PAQR3: variants seen among roughly 807,000 people sequenced by gnomAD.
PAQR3 encodes Raf kinase trapping to Golgi.
A neutral mutation model predicts 41.7 loss-of-function variants in PAQR3; 39 were observed. That is an observed-to-expected ratio of 0.93 (90% CI 0.72 to 1.22). The LOEUF (loss-of-function observed/expected upper bound fraction) is 1.22, where lower values mean the gene tolerates loss of function less well. Ranked by LOEUF, PAQR3 falls within the 50% of genes most tolerant of loss-of-function variation. The probability of loss-of-function intolerance (pLI) is 0.00; values close to 1 mark genes in which losing one functional copy is unlikely to be tolerated. For synonymous variants in PAQR3, 140 were observed against 140.6 expected (o/e 1.00, Z 0.03); for missense variants, 366 against 385.6 (o/e 0.95, Z 0.42).
In PAQR3 at chr4:78,922,254, G is replaced by C. The variant is rs1578011434; in HGVS notation, c.794-1573C>G. On this transcript the variant is annotated intron_variant, in intron 5 of 5. Transcript: ENST00000512733. ...ATGTTTACAACGCAGGTTTTCCCTTGTATTTCCATTCTTATTTAAAGCTCA... is the reference window on the plus strand; with the variant it reads ...ATGTTTACAACGCAGGTTTTCCCTTCTATTTCCATTCTTATTTAAAGCTCA... The C allele has an allele frequency of 4.1e-6, 5 of 1,232,206 alleles. No individual in the cohort carries two copies. In the East Asian group the frequency reaches 1.7e-4, roughly 42 times the overall value. 76.3% of individuals were successfully genotyped at this position (1,232,206 alleles called of 1,614,324 possible).
chr4:78,938,396 G>C (rs756562524), intron 1 of PAQR3, among the ~76,000 whole-genome samples: 14 of 152,134 alleles, frequency 9.2e-5, no homozygotes, highest in Non-Finnish European at 2.1e-4. Flanking sequence ...CTTCTGTGGT[G>C]CTCTAGTGGA....
downstream of PAQR3, among the ~76,000 whole-genome samples, chr4:78,909,877 G>T (rs1342923138): frequency 2.0e-5 from 3 of 152,122 alleles, no homozygotes; most frequent in Non-Finnish European, 4.4e-5. Context: ...TATTTCTTTC[G>T]TTGAATGAAC....
At chr4:78,931,486 C>A (rs1477567680) in intron 2 of PAQR3, among the ~76,000 whole-genome samples, 1 of 152,190 alleles carries the variant, frequency 6.6e-6, no homozygotes, top group Non-Finnish European at 1.5e-5. Flanking sequence ...CTGATTCAAT[C>A]AGCTGTTCTG....
At chr4:78,889,478 A>G (rs1733307132) in intron 11 of PAQR3, among the ~76,000 whole-genome samples, 1 of 152,170 alleles carries the variant, frequency 6.6e-6, no homozygotes. Flanking sequence ...ATATATTGCT[A>G]CTTATTATAA....
intron 11 of PAQR3, among the ~76,000 whole-genome samples, chr4:78,889,146 G>A (rs1477401187): frequency 2.6e-5 from 4 of 151,280 alleles, no homozygotes; most frequent in East Asian, 2.0e-4. Context: ...GCGTGAACCC[G>A]GGAGGCGGAG....
At chr4:78,921,382 C>T (rs1247689415) in intron 5 of PAQR3, among the ~76,000 whole-genome samples, 1 of 151,870 alleles carries the variant, frequency 6.6e-6, no homozygotes. Flanking sequence ...AAATAACATA[C>T]TCATGGTGCT....
chr4:78,930,136 A>C, intron 3 of PAQR3, 34 bp downstream of exon 3: 1 of 1,571,220 alleles, frequency 6.4e-7, no homozygotes, highest in Non-Finnish European at 8.6e-7. Context: ...GACCAATATG[A>C]AAGGTCGAAT....
At chr4:78,887,171 C>T (rs1477953100) in exon 13 of PAQR3, 9 of 1,568,226 alleles carry the variant, frequency 5.7e-6, no homozygotes, top group Non-Finnish European at 7.8e-6. Context: ...CTTATTTTTG[C>T]AGATAGGCTC....
chr4:78,896,282 A>G (rs1459470317), intron 11 of PAQR3, among the ~76,000 whole-genome samples: 1 of 152,216 alleles, frequency 6.6e-6, no homozygotes. Context: ...TGCCTATACT[A>G]TGATAAAATA....
Position 78,939,028 on chromosome 4 carries a change from G to A in PAQR3, c.185+12C>T. On this transcript the variant is annotated intron_variant, in intron 1 of 5. Coordinates refer to ENST00000512733, the MANE Select transcript of PAQR3 (RefSeq NM_001040202.2). ...GAAGGGGGCACTCCAGGCGGAGGCAGCCAGACCGTACCTTTTGATACACAG... is the reference window on the plus strand; with the variant it reads ...GAAGGGGGCACTCCAGGCGGAGGCAACCAGACCGTACCTTTTGATACACAG... 6.3e-7 allele frequency: 1 copy of A among 1,586,148 alleles called. No individual in the cohort carries two copies.
chr4:78,911,021 G>T (rs146906878), downstream of PAQR3: 370 of 1,613,694 alleles, frequency 2.3e-4, no homozygotes, highest in African/African-American at 4.3e-3. Context: ...GACAGATCTG[G>T]CAGTGGACCA....
chr4:78,911,352 T>C (rs769821644), downstream of PAQR3: 2 of 1,613,928 alleles, frequency 1.2e-6, no homozygotes. Flanking sequence ...TTGGCTCCAC[T>C]CCATTTCAGC....
Position 78,919,891 on chromosome 4 carries a change from A to T in PAQR3, c.*648T>A. Reference sequence around the variant, plus strand: ...GATTCTTATCTGATAGAAAATGAGAAGTTCTTTTCCTCTTCTCAACCCTTC... The same window carrying T: ...GATTCTTATCTGATAGAAAATGAGATGTTCTTTTCCTCTTCTCAACCCTTC... On this transcript the variant is annotated 3_prime_UTR_variant, in exon 6 of 6. Transcript: ENST00000512733. 1 of 985,424 alleles carries T rather than the reference A, an allele frequency of 1.0e-6. No homozygotes were observed. Among genetic ancestry groups the T allele is most frequent in the Non-Finnish European group, 1.2e-6 (1 of 829,664 alleles). 61.0% of individuals were successfully genotyped at this position (985,424 alleles called of 1,614,324 possible).
intron 5 of PAQR3, chr4:78,923,529 T>C: frequency 6.4e-6 from 2 of 313,550 alleles, no homozygotes; most frequent in Non-Finnish European, 1.2e-5. Flanking sequence ...AGCTGGCATA[T>C]AGAGAAGTAA....
At chr4:78,932,042 A>G (rs1299654035) in intron 2 of PAQR3, among the ~76,000 whole-genome samples, 3 of 152,214 alleles carry the variant, frequency 2.0e-5, no homozygotes, top group Non-Finnish European at 4.4e-5. Flanking sequence ...TAAACAGTAT[A>G]AAGTAGTTAC....
chr4:78,922,064 TC>T, intron 5 of PAQR3: 4 of 1,033,116 alleles, frequency 3.9e-6, no homozygotes, highest in Non-Finnish European at 4.7e-6. Flanking sequence ...GGTTTAGTGT[TC>T]TACTTGTCTT....
At chr4:78,921,429 CTT>C (rs756437959) in intron 5 of PAQR3, among the ~76,000 whole-genome samples, 23 of 151,906 alleles carry the variant, frequency 1.5e-4, no homozygotes, top group Non-Finnish European at 2.9e-4. Context: ...TCTAACCTCT[CTT>C]TTTTCTTACC....
rs1031418871 is a variant in PAQR3, at chr4:78,913,350, CA to C, written c.*7188del. 6.6e-6 allele frequency: 1 copy of C among 152,114 alleles called. No homozygotes were observed. The highest frequency in any genetic ancestry group is 2.4e-5 in the African/African-American group (1 of 41,440). 9.4% of individuals were successfully genotyped at this position (152,114 alleles called of 1,614,324 possible). A position where few individuals can be genotyped will look rare whatever the true frequency, so the allele number is the denominator to read the frequency against. ...TACCAATTTGCCTTTTTTTACACCA[CA>C]AATCCTAATTAGAAACTTGAGGTTT... is the stretch of plus-strand genomic sequence containing the variant. On this transcript the variant is annotated 3_prime_UTR_variant, in exon 6 of 6. Transcript: ENST00000512733.
At chr4:78,936,891 T>G (rs1042634847) in intron 1 of PAQR3, among the ~76,000 whole-genome samples, 4 of 152,148 alleles carry the variant, frequency 2.6e-5, no homozygotes, top group Non-Finnish European at 5.9e-5. Context: ...ATCCAAAATC[T>G]GTCCCCGTCA....
Sources: gnomAD v4.1 joint callset for allele counts (sites outside exome capture counted in the v4.1 genomes callset) on GRCh38, gnomAD v4.1.1 for gene constraint, MANE v1.5 for transcripts, NCBI Gene and HGNC (gene_info 2026-07-23, HGNC 2026-07-21) for gene names.